CAMK2B: variants seen among roughly 807,000 people sequenced by gnomAD.
CAMK2B encodes calcium/calmodulin dependent protein kinase II beta.
In CAMK2B, 27 loss-of-function variants were observed where a neutral mutation model predicts 93.7. That is an observed-to-expected ratio of 0.29 (90% CI 0.21 to 0.40). CAMK2B has a LOEUF of 0.40. Among genes scored for constraint, CAMK2B ranks in the 10% least tolerant of loss-of-function variants. The pLI, the probability that CAMK2B is intolerant of heterozygous loss-of-function variation, is 1.00. For synonymous variants in CAMK2B, 374 were observed against 358.8 expected (o/e 1.04, Z -0.48); for missense variants, 568 against 895.8 (o/e 0.63, Z 4.67).
chr7:44,253,585 C>A (rs2129009072), intron 5 of CAMK2B, among the ~76,000 whole-genome samples: 1 of 152,120 alleles, frequency 6.6e-6, no homozygotes, highest in African/African-American at 2.4e-5. Context: ...GCGAGGTCCT[C>A]CGTTAGCCTT....
intron 4 of CAMK2B, among the ~76,000 whole-genome samples, chr7:44,257,168 T>C (rs2096841153): frequency 1.3e-5 from 2 of 152,230 alleles, no homozygotes; most frequent in South Asian, 4.2e-4. Flanking sequence ...TCCACAGAGT[T>C]CCCAAACTAC....
chr7:44,274,938 G>T (rs1232644702), intron 2 of CAMK2B, among the ~76,000 whole-genome samples: 1 of 152,174 alleles, frequency 6.6e-6, no homozygotes, highest in African/African-American at 2.4e-5. Context: ...CAGCATGGAG[G>T]GCAACCCTCC....
intron 2 of CAMK2B, among the ~76,000 whole-genome samples, chr7:44,278,022 G>C (rs567344072): frequency 6.6e-6 from 1 of 152,350 alleles, no homozygotes; most frequent in East Asian, 1.9e-4. Context: ...TGGGCTGGGA[G>C]CCAGGAGGCC....
At chr7:44,320,148 T>C (rs1795732299) in intron 1 of CAMK2B, among the ~76,000 whole-genome samples, 1 of 152,142 alleles carries the variant, frequency 6.6e-6, no homozygotes, top group Non-Finnish European at 1.5e-5. Flanking sequence ...AAATAAAAAT[T>C]TCTAGTCTTG....
chr7:44,315,906 C>T (rs977673204), intron 1 of CAMK2B, among the ~76,000 whole-genome samples: 3 of 152,150 alleles, frequency 2.0e-5, no homozygotes, highest in African/African-American at 7.2e-5. Flanking sequence ...ATTGGTCTTA[C>T]ATCTTGCAAC....
chr7:44,243,716 C>A (rs1159622808), intron 6 of CAMK2B, among the ~76,000 whole-genome samples, 189 bp from the exon 7 acceptor site: 1 of 152,122 alleles, frequency 6.6e-6, no homozygotes, highest in African/African-American at 2.4e-5. Flanking sequence ...GACGCTGAGC[C>A]TGCAACCCCA....
rs761933277 is a variant in CAMK2B at position 44,226,559 on chromosome 7, C to T, written c.1554G>A (p.Pro518=). The T allele has an allele frequency of 1.3e-4, 195 of 1,455,640 alleles. No homozygotes were observed. Among genetic ancestry groups the T allele is most frequent in the Non-Finnish European group, 1.5e-4 (165 of 1,110,952 alleles). 90.2% of individuals were successfully genotyped at this position (1,455,640 alleles called of 1,614,324 possible). Residue 518 remains proline, a synonymous_variant, in exon 20 of 24, where the codon CCG becomes CCA. Coordinates refer to ENST00000395749, the MANE Select transcript of CAMK2B (RefSeq NM_001220.5). ...CAGGGATAGTCGGAGATGGGCAGGG[C>T]GGGGGCCCCACTGGCGAGGGGCCCT... The part of the protein sequence containing the change: ...EAEGPSPVGP[P]PCPSPTIPGP...
intron 13 of CAMK2B, among the ~76,000 whole-genome samples, chr7:44,238,010 G>A (rs547239733): frequency 3.3e-5 from 5 of 152,328 alleles, no homozygotes; most frequent in East Asian, 1.9e-4. Flanking sequence ...TCTGCGGGCC[G>A]AGGGGGCTAT....
chr7:44,276,259 C>T (rs2097038002), intron 2 of CAMK2B, among the ~76,000 whole-genome samples: 1 of 152,100 alleles, frequency 6.6e-6, no homozygotes, highest in South Asian at 2.1e-4. Flanking sequence ...GCATGCTCAG[C>T]TGTCCCTGCA....
intron 1 of CAMK2B, among the ~76,000 whole-genome samples, chr7:44,296,209 T>C (rs551937946): frequency 6.6e-6 from 1 of 152,126 alleles, no homozygotes. Context: ...AAGGCTCTAA[T>C]GGGAGAAGTG....
At chr7:44,269,359 C>A (rs2096951267) in intron 2 of CAMK2B, among the ~76,000 whole-genome samples, 1 of 152,200 alleles carries the variant, frequency 6.6e-6, no homozygotes, top group Non-Finnish European at 1.5e-5. Context: ...GAGGGTCTTA[C>A]AGGACAAGTT....
intron 1 of CAMK2B, among the ~76,000 whole-genome samples, chr7:44,308,360 G>C (rs1440621044): frequency 1.3e-5 from 2 of 152,122 alleles, no homozygotes; most frequent in Non-Finnish European, 2.9e-5. Flanking sequence ...AGGTGGCTGG[G>C]GGAAGAGAGA....
chr7:44,224,505 C>A lies in CAMK2B; in HGVS notation c.1597+2011G>T, dbSNP rs2096452067. The stretch of plus-strand genomic sequence containing the variant: ...GGTCTGCACGAGCCAAGAGCCTCTG[C>A]AAGTCAGGCCTTCCAGGTGCCCTGA... On this transcript the variant is annotated intron_variant, in intron 20 of 23. Coordinates refer to ENST00000395749, the MANE Select transcript of CAMK2B (RefSeq NM_001220.5). This position sits in a 1 kb window ranked among gnomAD's most constrained non-coding sequence, Gnocchi z 4.4. Among the ~76,000 whole-genome samples the A allele has an allele frequency of 6.6e-6, 1 of 152,214 alleles. No homozygotes were observed. The highest frequency in any genetic ancestry group is 2.1e-4 in the South Asian group (1 of 4,824).
intron 5 of CAMK2B, 21 bp downstream of exon 5, chr7:44,254,521 G>A (rs2096814297): frequency 6.3e-7 from 1 of 1,585,616 alleles, no homozygotes; most frequent in Non-Finnish European, 8.7e-7. Flanking sequence ...GGACAGGACA[G>A]CGTGAGGGCT....
chr7:44,294,554 A>G (rs1787763818), intron 1 of CAMK2B, among the ~76,000 whole-genome samples: 1 of 152,156 alleles, frequency 6.6e-6, no homozygotes, highest in Non-Finnish European at 1.5e-5. Flanking sequence ...GATGCTTATT[A>G]TGAGATCTCT....
At chr7:44,228,109 G>T (rs1026088991) in intron 19 of CAMK2B, among the ~76,000 whole-genome samples, 1 of 151,902 alleles carries the variant, frequency 6.6e-6, no homozygotes, top group Non-Finnish European at 1.5e-5. Flanking sequence ...GAGGCTGCTG[G>T]CCAGCAAGAA....
chr7:44,249,852 CCT>C (rs1211014014), intron 5 of CAMK2B, among the ~76,000 whole-genome samples: 2 of 152,184 alleles, frequency 1.3e-5, no homozygotes, highest in Non-Finnish European at 2.9e-5. Context: ...GTCATCACCC[CCT>C]GACTCCACAG....
intron 17 of CAMK2B, chr7:44,230,146 GC>G: frequency 6.6e-6 from 1 of 152,426 alleles, no homozygotes; most frequent in Non-Finnish European, 1.5e-5. Flanking sequence ...TCATGCTGTT[GC>G]CTTTGGGGCC....
intron 14 of CAMK2B, 57 bp downstream of exon 14, chr7:44,234,582 G>A: frequency 1.2e-6 from 2 of 1,605,694 alleles, no homozygotes; most frequent in Non-Finnish European, 1.7e-6. Flanking sequence ...CAGGGCGTGG[G>A]GGTGAAGCTG....
Sources: allele counts gnomAD v4.1 joint callset (sites outside exome capture counted in the v4.1 genomes callset), GRCh38; gene constraint gnomAD v4.1.1; non-coding constraint Gnocchi (gnomAD v3.1); transcripts MANE v1.5; gene names NCBI Gene and HGNC (gene_info 2026-07-23, HGNC 2026-07-21).